Variants in RASA3 observed in about 807,000 individuals in gnomAD.
RASA3 encodes ras GTPase-activating protein 3.
RASA3 carries 73 observed loss-of-function variants against 110.0 expected under a neutral mutation model. The observed-to-expected ratio is 0.66, with a 90% CI of 0.55 to 0.81. RASA3 has a LOEUF of 0.81. Among genes scored for constraint, RASA3 ranks in the 30% least tolerant of loss-of-function variants. The pLI, the probability that RASA3 is intolerant of heterozygous loss-of-function variation, is 0.00. For missense variants in RASA3, 976 were observed against 1,113.2 expected (o/e 0.88, Z 1.75); for synonymous variants, 500 against 451.4 (o/e 1.11, Z -1.37).
At chr13:114,055,826 G>A (rs114726065) in intron 2 of RASA3, among the ~76,000 whole-genome samples, 318 of 152,244 alleles carry the variant, frequency 2.1e-3, no homozygotes, top group African/African-American at 7.0e-3. Flanking sequence ...TCCTGGCTGC[G>A]GTGCATCTCA....
intron 13 of RASA3, 107 bp from the exon 14 acceptor site, chr13:114,015,439 C>T (rs530758113): frequency 2.8e-5 from 40 of 1,419,660 alleles, no homozygotes; most frequent in Admixed American, 2.0e-5. Flanking sequence ...TGAGGGCGGG[C>T]GCAGGGCAGC....
At chr13:114,090,836 C>T (rs2079882195) in intron 1 of RASA3, among the ~76,000 whole-genome samples, 1 of 152,124 alleles carries the variant, frequency 6.6e-6, no homozygotes, top group African/African-American at 2.4e-5. Context: ...GGTTCCAGAG[C>T]CTTAATCTAC....
chr13:114,094,292 A>G lies in RASA3; in HGVS notation c.56-20455T>C, dbSNP rs538237003. ...AATTTCACTCCTAGGTATATACTTA[A>G]AAGAATTGAAAACTGGTGTGCAAAT... is the stretch of plus-strand genomic sequence containing the variant. On this transcript the variant is annotated intron_variant, in intron 1 of 23. Coordinates refer to ENST00000334062, the MANE Select transcript of RASA3 (RefSeq NM_007368.4). 7.9e-5 allele frequency among the ~76,000 whole-genome samples: 12 copies of G among 152,348 alleles called. 1 individual carries two copies. In the East Asian group the frequency reaches 2.3e-3, roughly 29 times the overall value.
chr13:114,103,448 G>T (rs900307156), intron 1 of RASA3, among the ~76,000 whole-genome samples: 2 of 152,064 alleles, frequency 1.3e-5, no homozygotes, highest in African/African-American at 2.4e-5. Flanking sequence ...GGGACGGGGG[G>T]ACGGGGGACA....
intron 23 of RASA3, among the ~76,000 whole-genome samples, chr13:113,980,003 G>T (rs561136092): frequency 7.6e-6 from 1 of 131,836 alleles, no homozygotes; most frequent in East Asian, 2.4e-4. Context: ...GCACCCCTCC[G>T]TGTGTACACC....
chr13:114,023,521 A>T (rs1451663186), intron 8 of RASA3, among the ~76,000 whole-genome samples: 1 of 152,238 alleles, frequency 6.6e-6, no homozygotes, highest in Non-Finnish European at 1.5e-5. Context: ...GGCTACGTTC[A>T]AAAATAAACA....
intron 1 of RASA3, among the ~76,000 whole-genome samples, chr13:114,100,558 T>A (rs539152208): frequency 6.6e-6 from 1 of 152,338 alleles, no homozygotes; most frequent in African/African-American, 2.4e-5. Context: ...AAGTTTGTTC[T>A]GGAAACCACC....
intron 2 of RASA3, among the ~76,000 whole-genome samples, chr13:114,053,055 A>G (rs1006866502): frequency 1.4e-5 from 2 of 138,352 alleles, no homozygotes; most frequent in Non-Finnish European, 3.1e-5. Flanking sequence ...TGGGGAAGAG[A>G]CCCCCACTGC....
At chr13:114,119,396 G>C (rs567476524) in intron 1 of RASA3, among the ~76,000 whole-genome samples, 7 of 152,276 alleles carry the variant, frequency 4.6e-5, no homozygotes, top group East Asian at 1.9e-4. Flanking sequence ...TTCAGGAAGC[G>C]GTACGGAGGT....
At chr13:114,023,571 G>A (rs1010712348) in intron 8 of RASA3, among the ~76,000 whole-genome samples, 4 of 152,226 alleles carry the variant, frequency 2.6e-5, no homozygotes, top group African/African-American at 4.8e-5. Context: ...GGAACCCGCC[G>A]GGGTTTGTGA....
intron 1 of RASA3, among the ~76,000 whole-genome samples, chr13:114,120,839 A>G (rs2080366771): frequency 6.6e-6 from 1 of 152,268 alleles, no homozygotes; most frequent in Admixed American, 6.5e-5. Flanking sequence ...CTTACTAATT[A>G]CGGCTCAAGC....
rs377416277 is a variant in RASA3 at position 114,073,853 on chromosome 13, G to A, written c.56-16C>T. ...TTGGCTTCACCTAAAAAGTAAAAGC[G>A]ACATACATCATCAGCAGCGTAGAAA... On this transcript the variant is annotated splice_polypyrimidine_tract_variant and intron_variant, in intron 1 of 23. Coordinates refer to ENST00000334062, the MANE Select transcript of RASA3 (RefSeq NM_007368.4). 90 of 1,578,740 alleles carry A rather than the reference G, an allele frequency of 5.7e-5. No individual in the cohort carries two copies. Among genetic ancestry groups the A allele is most frequent in the Non-Finnish European group, 7.6e-5 (87 of 1,148,004 alleles).
intron 1 of RASA3, among the ~76,000 whole-genome samples, chr13:114,078,325 CTT>C (rs67316614): frequency 0.15 from 22,216 of 152,194 alleles, 2,058 homozygotes; most frequent in African/African-American, 0.26. Context: ...CACGTTTTCT[CTT>C]TTTTTTCTGG....
chr13:114,124,638 GC>G (rs2080421346), intron 1 of RASA3, among the ~76,000 whole-genome samples: 1 of 152,220 alleles, frequency 6.6e-6, no homozygotes, highest in Non-Finnish European at 1.5e-5. Context: ...AAAGGCTGGA[GC>G]CCCAAAACCT....
intron 1 of RASA3, among the ~76,000 whole-genome samples, chr13:114,077,267 C>T (rs575128580): frequency 1.6e-4 from 25 of 152,192 alleles, no homozygotes; most frequent in African/African-American, 4.6e-4. Context: ...CCTGCGCTGG[C>T]GCCAACACAC....
intron 1 of RASA3, among the ~76,000 whole-genome samples, chr13:114,075,144 G>GGC (rs1392008970): frequency 2.0e-5 from 3 of 152,176 alleles, no homozygotes; most frequent in African/African-American, 7.2e-5. Flanking sequence ...CGCCACTCAG[G>GGC]GCCACATCAC....
chr13:114,103,037 C>T (rs1297067737), intron 1 of RASA3, among the ~76,000 whole-genome samples: 1 of 152,172 alleles, frequency 6.6e-6, no homozygotes, highest in Non-Finnish European at 1.5e-5. Context: ...CAAGGACACT[C>T]ACGTGGGCAG....
At chr13:114,062,656 G>A (rs1314163360) in intron 2 of RASA3, among the ~76,000 whole-genome samples, 4 of 151,916 alleles carry the variant, frequency 2.6e-5, no homozygotes, top group African/African-American at 9.7e-5. Flanking sequence ...TCGGACACGC[G>A]TGCTCACAGC....
At chr13:114,063,669 A>G (rs2079399532) in intron 2 of RASA3, among the ~76,000 whole-genome samples, 2 of 152,146 alleles carry the variant, frequency 1.3e-5, no homozygotes, top group Admixed American at 6.5e-5. Flanking sequence ...GTGTGGTGGG[A>G]GCAGCAGGGG....
Sources: gnomAD v4.1 joint callset for allele counts (sites outside exome capture counted in the v4.1 genomes callset) on GRCh38, gnomAD v4.1.1 for gene constraint, MANE v1.5 for transcripts, NCBI Gene and HGNC (gene_info 2026-07-23, HGNC 2026-07-21) for gene names.